Variants in GABRG3 observed in about 807,000 individuals in gnomAD.
The protein encoded by GABRG3 is gamma-aminobutyric acid type A receptor subunit gamma3.
Under a neutral mutation model 48.8 loss-of-function variants are expected in GABRG3, and 25 were observed. That is an observed-to-expected ratio of 0.51 (90% confidence interval 0.37 to 0.72). GABRG3 has a LOEUF of 0.72. Ranked by LOEUF, GABRG3 falls within the 30% of genes least tolerant of loss-of-function variation. GABRG3 has a pLI of 0.00. For synonymous variants in GABRG3, 227 were observed against 217.6 expected, an observed-to-expected ratio of 1.04 and a Z score of -0.38; for missense variants, 394 against 577.9, an observed-to-expected ratio of 0.68 and a Z score of 3.26.
chr15:26,988,205 TTCTA>T (rs1197087022), intron 2 of GABRG3, among the ~76,000 whole-genome samples: 5 of 152,188 alleles, frequency 3.3e-5, no homozygotes, highest in Non-Finnish European at 4.4e-5. Flanking sequence ...CTTGCTGCTT[TTCTA>T]TCTATTTCTA....
intron 2 of GABRG3, among the ~76,000 whole-genome samples, chr15:27,001,887 A>ATTTTTTTTTTTTTTTT (rs1895453649): frequency 9.7e-5 from 5 of 51,548 alleles, no homozygotes; most frequent in African/African-American, 3.8e-4. Flanking sequence ...CCCATAACTC[A>ATTTTTTTTTTTTTTTT]GTTTTTTTTT....
intron 2 of GABRG3, among the ~76,000 whole-genome samples, chr15:27,001,396 T>C (rs1234094741): frequency 6.6e-6 from 1 of 152,224 alleles, no homozygotes; most frequent in Admixed American, 6.5e-5. Flanking sequence ...GTCCTCCAAC[T>C]GTCTGTAGAC....
chr15:27,533,258 A>G lies in GABRG3; in HGVS notation c.*377A>G, dbSNP rs1891473709. The G allele has an allele frequency of 4.3e-6, 1 of 230,264 alleles. No homozygotes were observed. Among genetic ancestry groups the G allele is most frequent in the South Asian group, 6.4e-5 (1 of 15,576 alleles). The allele number at this position is 230,264 out of a possible 1,614,324, so 14.3% of individuals were successfully genotyped here. ...TCTCTCAGGCCTCTAGTCCTTCTGTATCTTTCCTTTGCAGCCCTGGGTGTA... is the reference window on the plus strand; with the variant it reads ...TCTCTCAGGCCTCTAGTCCTTCTGTGTCTTTCCTTTGCAGCCCTGGGTGTA... On this transcript the variant is annotated 3_prime_UTR_variant, in exon 10 of 10. Coordinates refer to ENST00000615808, the MANE Select transcript of GABRG3 (RefSeq NM_033223.5).
chr15:27,159,781 G>A (rs1264097824), intron 3 of GABRG3, among the ~76,000 whole-genome samples: 2 of 152,102 alleles, frequency 1.3e-5, no homozygotes, highest in Non-Finnish European at 2.9e-5. Flanking sequence ...ACTGAACTTT[G>A]CAGAATGTCC....
chr15:27,541,319 G>C lies in GABRG3; in HGVS notation c.*8438G>C, dbSNP rs1253189445. 5 of 152,370 alleles carry C rather than the reference G, an allele frequency of 3.3e-5. No homozygotes were observed. Among genetic ancestry groups the C allele is most frequent in the African/African-American group, 1.2e-4 (5 of 41,452 alleles). 9.4% of individuals were successfully genotyped at this position (152,370 alleles called of 1,614,324 possible). On this transcript the variant is annotated 3_prime_UTR_variant, in exon 10 of 10. Coordinates refer to ENST00000615808, the MANE Select transcript of GABRG3 (RefSeq NM_033223.5). ...CCTTGTCTAGGAAGTCGTATTCGCA[G>C]GTCACAGGAAGGCGTCAGGTCAGGC...
At chr15:27,139,163 C>T (rs1020685090) in intron 3 of GABRG3, among the ~76,000 whole-genome samples, 1 of 152,094 alleles carries the variant, frequency 6.6e-6, no homozygotes, top group Non-Finnish European at 1.5e-5. Context: ...ACTGGGGAGG[C>T]CCGGAGCATG....
At chr15:27,504,946 T>A (rs1049468386) in intron 6 of GABRG3, among the ~76,000 whole-genome samples, 1 of 152,218 alleles carries the variant, frequency 6.6e-6, no homozygotes, top group Non-Finnish European at 1.5e-5. Flanking sequence ...GTTAATATTT[T>A]ACTTTGCCAT....
chr15:27,425,851 T>C (rs1011390566), intron 5 of GABRG3, among the ~76,000 whole-genome samples: 9 of 138,934 alleles, frequency 6.5e-5, no homozygotes, highest in Non-Finnish European at 1.3e-4. Context: ...TTCTAAATCT[T>C]CTTCTTTTAT....
At chr15:27,281,888 C>T (rs1051900984) in intron 3 of GABRG3, among the ~76,000 whole-genome samples, 1 of 151,728 alleles carries the variant, frequency 6.6e-6, no homozygotes, top group Non-Finnish European at 1.5e-5. Flanking sequence ...TTATTATTCC[C>T]TTTCTGTTTG....
intron 3 of GABRG3, among the ~76,000 whole-genome samples, chr15:27,170,404 A>T (rs1279371605): frequency 6.6e-6 from 1 of 152,210 alleles, no homozygotes. Flanking sequence ...GTGTGTGCAT[A>T]CATATGTATA....
chr15:27,469,980 C>T (rs915556210), intron 5 of GABRG3, among the ~76,000 whole-genome samples: 1 of 152,192 alleles, frequency 6.6e-6, no homozygotes, highest in Non-Finnish European at 1.5e-5. Context: ...CTCCCAGATT[C>T]ATCGGACGCT....
chr15:27,275,226 A>G (rs1891215027), intron 3 of GABRG3, among the ~76,000 whole-genome samples: 1 of 152,210 alleles, frequency 6.6e-6, no homozygotes, highest in Non-Finnish European at 1.5e-5. Context: ...TATGCATTTT[A>G]AAAGTCCCCA....
intron 3 of GABRG3, among the ~76,000 whole-genome samples, chr15:27,200,580 C>A (rs1192864718): frequency 6.6e-6 from 1 of 152,094 alleles, no homozygotes; most frequent in Non-Finnish European, 1.5e-5. Flanking sequence ...CTGGCACAGG[C>A]AAAGTGACCC....
chr15:27,316,269 T>C (rs1441866964), intron 3 of GABRG3, among the ~76,000 whole-genome samples: 2 of 150,058 alleles, frequency 1.3e-5, no homozygotes, highest in African/African-American at 2.5e-5. Flanking sequence ...GCGCCTGTAG[T>C]CCCAGCTACT....
At chr15:27,347,089 A>T (rs904275343) in intron 5 of GABRG3, among the ~76,000 whole-genome samples, 1 of 152,092 alleles carries the variant, frequency 6.6e-6, no homozygotes, top group Non-Finnish European at 1.5e-5. Flanking sequence ...CTGACTAGGA[A>T]TTGGGCTGTG....
chr15:27,437,210 C>T (rs1240102043), intron 5 of GABRG3, among the ~76,000 whole-genome samples: 1 of 151,996 alleles, frequency 6.6e-6, no homozygotes, highest in Non-Finnish European at 1.5e-5. Context: ...AATCAAAACT[C>T]AAACTTTAGA....
At chr15:27,116,555 T>G (rs1183708475) in intron 3 of GABRG3, among the ~76,000 whole-genome samples, 1 of 152,062 alleles carries the variant, frequency 6.6e-6, no homozygotes, top group Non-Finnish European at 1.5e-5. Context: ...ACTTTTATAC[T>G]AAGAAAAAGA....
At chr15:27,091,967 C>T (rs1377270570) in intron 3 of GABRG3, among the ~76,000 whole-genome samples, 1 of 152,172 alleles carries the variant, frequency 6.6e-6, no homozygotes, top group African/African-American at 2.4e-5. Context: ...CAGTTTTTGT[C>T]AAGTTTTTCA....
chr15:27,067,624 T>C (rs1896759492), intron 3 of GABRG3, among the ~76,000 whole-genome samples: 1 of 152,192 alleles, frequency 6.6e-6, no homozygotes, highest in Non-Finnish European at 1.5e-5. Context: ...TTTTCCTCCT[T>C]TCTCCACTCC....
Sources: allele counts gnomAD v4.1 joint callset (sites outside exome capture counted in the v4.1 genomes callset), GRCh38; gene constraint gnomAD v4.1.1; transcripts MANE v1.5; gene names NCBI Gene and HGNC (gene_info 2026-07-23, HGNC 2026-07-21).